The following VEPH1 variants were observed in gnomAD, a reference collection of about 807,000 sequenced individuals.
The protein encoded by VEPH1 is ventricular zone-expressed PH domain-containing protein homolog 1.
Under a neutral mutation model 85.2 loss-of-function variants are expected in VEPH1, and 80 were observed. That is an observed-to-expected ratio of 0.94 (90% CI 0.78 to 1.13). The LOEUF (loss-of-function observed/expected upper bound fraction) is 1.13. Among genes scored for constraint, VEPH1 ranks in the 50% most tolerant of loss-of-function variants. The pLI is 0.00. For missense variants in VEPH1, 955 were observed against 980.5 expected (o/e 0.97, Z 0.35); for synonymous variants, 297 against 348.0 (o/e 0.85, Z 1.63).
intron 2 of VEPH1, among the ~76,000 whole-genome samples, chr3:157,480,396 T>C (rs1737924402): frequency 6.6e-6 from 1 of 152,156 alleles, no homozygotes; most frequent in Non-Finnish European, 1.5e-5. Context: ...TAAATTATGC[T>C]GTCACCCAGC....
At chr3:157,388,355 C>G (rs117985717) in intron 6 of VEPH1, among the ~76,000 whole-genome samples, 2 of 152,246 alleles carry the variant, frequency 1.3e-5, no homozygotes, top group East Asian at 3.9e-4. Flanking sequence ...AGGGTTTGTA[C>G]TAGACTCTCC....
At chr3:157,313,096 G>A (rs1419679287) in intron 11 of VEPH1, among the ~76,000 whole-genome samples, 8 of 151,488 alleles carry the variant, frequency 5.3e-5, no homozygotes, top group Admixed American at 4.6e-4. Flanking sequence ...AGTAGAGACG[G>A]GGTTTCACCG....
In VEPH1 at chr3:157,414,065, A is replaced by G. The variant is rs1394382128; in HGVS notation, c.722T>C (p.Leu241Pro). The change falls in exon 6 of 14, where the codon CTA (leucine) becomes CCA (proline). Residue 241 changes from leucine (L) to proline (P), a missense_variant. Transcript: ENST00000362010. Reference protein sequence around the residue: ...LEVVQKCIPFLIGHLKDSTHN... With the variant: ...LEVVQKCIPFPIGHLKDSTHN... Reference sequence around the variant, plus strand: ...GGTTGAATCCTTCAAATGCCCAATTAGGAAAGGAATACACTTCTGAACTAC... The same window carrying G: ...GGTTGAATCCTTCAAATGCCCAATTGGGAAAGGAATACACTTCTGAACTAC... 3 of 1,612,572 alleles carry G rather than the reference A, an allele frequency of 1.9e-6. No homozygotes were observed. The highest frequency in any genetic ancestry group is 1.7e-5 in the Admixed American group (1 of 59,908).
intron 9 of VEPH1, among the ~76,000 whole-genome samples, chr3:157,338,769 A>G (rs1407933731): frequency 6.6e-6 from 1 of 152,200 alleles, no homozygotes. Flanking sequence ...TAAAGTCCAC[A>G]GAAAGATTGT....
intron 4 of VEPH1, among the ~76,000 whole-genome samples, chr3:157,434,295 T>A (rs1326159686): frequency 4.6e-5 from 7 of 152,138 alleles, no homozygotes; most frequent in Non-Finnish European, 1.0e-4. Context: ...GCTGGATTTT[T>A]AAAATATTTC....
At chr3:157,493,262 C>T (rs1739380951) in intron 2 of VEPH1, 1 of 456,082 alleles carries the variant, frequency 2.2e-6, no homozygotes, top group Non-Finnish European at 4.4e-6. Flanking sequence ...TTGGAAGGGG[C>T]AATTTAGACG....
Position 157,260,899 on chromosome 3 carries a change from ATTTT to A in VEPH1, c.*231_*234del. 5.3e-6 allele frequency: 1 copy of A among 187,698 alleles called. No homozygotes were observed. Among genetic ancestry groups the A allele is most frequent in the Non-Finnish European group, 8.2e-6 (1 of 121,278 alleles). The allele number at this position is 187,698 out of a possible 1,614,324, so 11.6% of individuals were successfully genotyped here. The stretch of plus-strand genomic sequence containing the variant: ...GAGGGCATACTCTGTAGCTCCTTTT[ATTTT>A]ATTTTATTTTTGTGGGCATCAGATA... On this transcript the variant is annotated 3_prime_UTR_variant, in exon 14 of 14. Transcript: ENST00000362010.
chr3:157,496,574 G>A (rs751944193), intron 1 of VEPH1, among the ~76,000 whole-genome samples: 1 of 152,178 alleles, frequency 6.6e-6, no homozygotes, highest in Non-Finnish European at 1.5e-5. Flanking sequence ...TTTAATACAA[G>A]TAATAGGCAT....
At chr3:157,356,073 A>AT (rs1399760551) in intron 9 of VEPH1, among the ~76,000 whole-genome samples, 3 of 151,800 alleles carry the variant, frequency 2.0e-5, no homozygotes, top group Non-Finnish European at 2.9e-5. Flanking sequence ...ATTTTTGCAT[A>AT]TTTTTTGTAG....
intron 11 of VEPH1, among the ~76,000 whole-genome samples, chr3:157,300,964 C>T (rs1718719707): frequency 6.6e-6 from 1 of 152,248 alleles, no homozygotes; most frequent in Non-Finnish European, 1.5e-5. Flanking sequence ...TGCCACTTCT[C>T]TCAAGAACTC....
At chr3:157,346,282 A>G (rs1456169993) in intron 9 of VEPH1, among the ~76,000 whole-genome samples, 1 of 152,246 alleles carries the variant, frequency 6.6e-6, no homozygotes, top group East Asian at 1.9e-4. Flanking sequence ...AATATCTTAT[A>G]GGAATCAGAA....
chr3:157,465,444 T>G (rs997387003), intron 3 of VEPH1, among the ~76,000 whole-genome samples: 1 of 152,210 alleles, frequency 6.6e-6, no homozygotes, highest in Non-Finnish European at 1.5e-5. Context: ...GTCTATTAAT[T>G]TAATTTTCAC....
At chr3:157,434,080 T>G (rs1224170771) in intron 4 of VEPH1, among the ~76,000 whole-genome samples, 1 of 152,218 alleles carries the variant, frequency 6.6e-6, no homozygotes, top group Non-Finnish European at 1.5e-5. Flanking sequence ...TTCAGAGATA[T>G]CTTCCTGTTA....
chr3:157,486,718 T>A (rs1264087762), intron 2 of VEPH1, among the ~76,000 whole-genome samples: 2 of 152,188 alleles, frequency 1.3e-5, no homozygotes, highest in Non-Finnish European at 2.9e-5. Flanking sequence ...GAACAGTTTC[T>A]GGCACACAAT....
At chr3:157,343,034 A>G (rs1373985875) in intron 9 of VEPH1, among the ~76,000 whole-genome samples, 1 of 152,254 alleles carries the variant, frequency 6.6e-6, no homozygotes, top group Non-Finnish European at 1.5e-5. Context: ...AGCAGTGTGC[A>G]GAGGGAAATT....
intron 6 of VEPH1, among the ~76,000 whole-genome samples, chr3:157,412,027 T>A (rs950532170): frequency 6.6e-5 from 10 of 152,150 alleles, no homozygotes; most frequent in Admixed American, 5.9e-4. Context: ...TGAGTGCTCA[T>A]GAGATGTGGG....
At chr3:157,459,681 T>A in intron 4 of VEPH1, 1 of 1,379,986 alleles carries the variant, frequency 7.2e-7, no homozygotes, top group Non-Finnish European at 9.3e-7. Flanking sequence ...TTAACAGAGG[T>A]GTACTATTTG....
At position 157,442,379 on chromosome 3, in the gene VEPH1, T is replaced by A. The variant is rs1734193846; in HGVS notation, c.530-13891A>T. The A allele has an allele frequency of 5.0e-6, 8 of 1,607,936 alleles. No homozygotes were observed. In the East Asian group the frequency reaches 1.8e-4, roughly 36 times the overall value. On this transcript the variant is annotated intron_variant, in intron 4 of 13. Coordinates refer to ENST00000362010, the MANE Select transcript of VEPH1 (RefSeq NM_001167912.2). Reference sequence around the variant, plus strand: ...TTGCTACTCTAGGTTGTGAAACAGCTATTTTATTCCCAATGCGTTCCAAGA... The same window carrying A: ...TTGCTACTCTAGGTTGTGAAACAGCAATTTTATTCCCAATGCGTTCCAAGA...
rs186732260 is a variant in VEPH1, at chr3:157,306,447, A to C, written c.2010+7174T>G. 1.1e-3 allele frequency among the ~76,000 whole-genome samples: 173 copies of C among 152,240 alleles called. 1 individual carries two copies. Among genetic ancestry groups the C allele is most frequent in the African/African-American group, 4.1e-3 (170 of 41,560 alleles). ...TTTGCAACTTGCTTATTAAAACTCA[A>C]TATCATATTTTCAAGATTTATCCCA... On this transcript the variant is annotated intron_variant, in intron 11 of 13. Coordinates refer to ENST00000362010, the MANE Select transcript of VEPH1 (RefSeq NM_001167912.2).
Sources: allele counts gnomAD v4.1 joint callset (sites outside exome capture counted in the v4.1 genomes callset), GRCh38; gene constraint gnomAD v4.1.1; transcripts MANE v1.5; gene names NCBI Gene and HGNC (gene_info 2026-07-23, HGNC 2026-07-21).